The following FRMD8 variants were observed in gnomAD, a reference collection of about 807,000 sequenced individuals.
FRMD8 encodes the protein FERM domain-containing protein 8.
FRMD8 carries 37 observed loss-of-function variants against 54.2 expected under a neutral mutation model. That is an observed-to-expected ratio of 0.68 (90% CI 0.53 to 0.90). FRMD8 has a LOEUF of 0.90. Ranked by LOEUF, FRMD8 falls within the 40% of genes least tolerant of loss-of-function variation. The pLI, the probability that FRMD8 is intolerant of heterozygous loss-of-function variation, is 0.00. For synonymous variants in FRMD8, 246 were observed against 286.9 expected, an observed-to-expected ratio of 0.86 and a Z score of 1.44; for missense variants, 585 against 653.7, an observed-to-expected ratio of 0.89 and a Z score of 1.15.
the FRMD8 span, among the ~76,000 whole-genome samples, chr11:65,371,761 C>T: frequency 1.1e-4 from 17 of 151,910 alleles, 2 homozygotes; most frequent in African/African-American, 3.9e-4. Context: ...ACTACAGGTG[C>T]GTGCCACCAT....
At chr11:65,369,550 G>A in the FRMD8 span, among the ~76,000 whole-genome samples, 1 of 151,592 alleles carries the variant, frequency 6.6e-6, no homozygotes, top group African/African-American at 2.4e-5. Context: ...CCAACATGGT[G>A]AAACCCTGTC....
rs1312220683 is a variant in FRMD8 at position 65,412,722 on chromosome 11, CCCT to C, written c.*1368_*1370del. Reference sequence around the variant, plus strand: ...TACTCCAAGTATCAGAGCCTGTTCACCCTCCTCCCTTTGGTAGCTTGTGAATGT... The same window carrying C: ...TACTCCAAGTATCAGAGCCTGTTCACCCTCCCTTTGGTAGCTTGTGAATGT... On this transcript the variant is annotated 3_prime_UTR_variant, in exon 11 of 11. Transcript: ENST00000317568. 6.6e-6 allele frequency: 1 copy of C among 152,250 alleles called. No homozygotes were observed. Among genetic ancestry groups the C allele is most frequent in the East Asian group, 1.9e-4 (1 of 5,200 alleles). The allele number at this position is 152,250 out of a possible 1,614,324, so 9.4% of individuals were successfully genotyped here.
At chr11:65,408,759 G>A (rs1367529506) in intron 10 of FRMD8, among the ~76,000 whole-genome samples, 1 of 151,882 alleles carries the variant, frequency 6.6e-6, no homozygotes, top group Non-Finnish European at 1.5e-5. Flanking sequence ...AAGGTCATGA[G>A]CCACCACTCC....
upstream of FRMD8, chr11:65,381,948 G>A (rs767785715): frequency 3.7e-6 from 6 of 1,614,010 alleles, no homozygotes; most frequent in South Asian, 4.4e-5. Flanking sequence ...TCCTCCACCG[G>A]CATTGTCTGG....
the FRMD8 span, chr11:65,379,395 C>T: frequency 5.0e-6 from 8 of 1,610,880 alleles, no homozygotes; most frequent in East Asian, 6.7e-5. Context: ...CCCCCCGGTG[C>T]AGCCCGCTAG....
chr11:65,384,541 G>A (rs926677072), upstream of FRMD8, among the ~76,000 whole-genome samples: 23 of 152,210 alleles, frequency 1.5e-4, no homozygotes, highest in African/African-American at 5.3e-4. Flanking sequence ...TGGCTGGCAC[G>A]TAAATGGCAA....
At chr11:65,407,017 C>T (rs993512072) in intron 10 of FRMD8, among the ~76,000 whole-genome samples, 1 of 151,998 alleles carries the variant, frequency 6.6e-6, no homozygotes, top group African/African-American at 2.4e-5. Context: ...GAAGAGAGGA[C>T]ATTTGTGGAA....
At position 65,411,567 on chromosome 11, in the gene FRMD8, C is replaced by T. The variant is rs1338834528; in HGVS notation, c.*207C>T. Reference sequence around the variant, plus strand: ...GCTGGCCAGGGCCTCCTGTAGGGCTCCTCTGCAGCCTGCCCTCCCTTCCCC... The same window carrying T: ...GCTGGCCAGGGCCTCCTGTAGGGCTTCTCTGCAGCCTGCCCTCCCTTCCCC... On this transcript the variant is annotated 3_prime_UTR_variant, in exon 11 of 11. Transcript: ENST00000317568. The T allele has an allele frequency of 2.0e-5, 9 of 460,384 alleles. No individual in the cohort carries two copies. Among genetic ancestry groups the T allele is most frequent in the East Asian group, 1.4e-4 (4 of 28,618 alleles). 28.5% of individuals were successfully genotyped at this position (460,384 alleles called of 1,614,324 possible). A position where few individuals can be genotyped will look rare whatever the true frequency, so the allele number is the denominator to read the frequency against.
chr11:65,404,668 C>A lies in FRMD8; in HGVS notation c.1072-196C>A, dbSNP rs140972170. 3.1e-3 allele frequency among the ~76,000 whole-genome samples: 477 copies of A among 152,272 alleles called. 5 individuals are homozygous for A. Among genetic ancestry groups the A allele is most frequent in the African/African-American group, 0.011 (455 of 41,544 alleles). ...CCACCTGAACTCCCAGATCTGGAGA[C>A]CCCTCCTCATCCACCAGGACTCACC... On this transcript the variant is annotated intron_variant, in intron 9 of 10. Transcript: ENST00000317568. The surrounding 1 kb of genome is among the most constrained non-coding windows in gnomAD (Gnocchi z 4.7).
the FRMD8 span, chr11:65,377,047 G>A: frequency 2.2e-5 from 35 of 1,613,932 alleles, no homozygotes; most frequent in Non-Finnish European, 2.9e-5. Context: ...GCCGGACTTT[G>A]ATGAGGTCAA....
At chr11:65,401,300 TA>T in intron 9 of FRMD8, among the ~76,000 whole-genome samples, 1 of 122,182 alleles carries the variant, frequency 8.2e-6, no homozygotes, top group African/African-American at 3.5e-5. Flanking sequence ...GCACCTCTTC[TA>T]CCCCAGCCTC....
At chr11:65,393,720 C>T in intron 4 of FRMD8, 46 bp downstream of exon 4, 1 of 1,483,846 alleles carries the variant, frequency 6.7e-7, no homozygotes, top group South Asian at 1.2e-5. Flanking sequence ...CCACCTGAGT[C>T]TGCATCTCTG....
At chr11:65,391,011 CA>C (rs1347345890) in intron 3 of FRMD8, among the ~76,000 whole-genome samples, 1 of 152,262 alleles carries the variant, frequency 6.6e-6, no homozygotes, top group Non-Finnish European at 1.5e-5. Context: ...TGGGCCCCCC[CA>C]GAACCCTTTT....
chr11:65,399,967 T>C, intron 8 of FRMD8, 108 bp downstream of exon 8: 1 of 1,336,260 alleles, frequency 7.5e-7, no homozygotes, highest in Non-Finnish European at 1.0e-6. Context: ...GTGGATGGAC[T>C]GTCTGGGAGG....
chr11:65,376,787 GT>G, the FRMD8 span: 1 of 1,614,152 alleles, frequency 6.2e-7, no homozygotes, highest in South Asian at 1.1e-5. Flanking sequence ...CCACACCTCT[GT>G]CCCCCATCCT....
rs12417665 is a variant in FRMD8 at position 65,396,886 on chromosome 11, C to T, written c.669C>T (p.Ala223=). 240,719 of 1,555,852 alleles carry T rather than the reference C, an allele frequency of 0.15. 20,311 individuals carry two copies. The highest frequency in any genetic ancestry group is 0.33 in the Admixed American group (17,311 of 52,778). ...FAALRGRGAR[A]GPGEQGLLNA... ...CCCTCCGGGGCCGTGGGGCCAGGGC[C>T]GGGCCGGGCGAGCAGGGCCTGCTGA... The change falls in exon 7 of 11, where the codon GCC becomes GCT. Residue 223 remains alanine, a synonymous_variant. Transcript: ENST00000317568.
At chr11:65,399,610 C>T in intron 7 of FRMD8, 126 bp from the exon 8 acceptor site, 1 of 1,164,758 alleles carries the variant, frequency 8.6e-7, no homozygotes, top group Non-Finnish European at 1.2e-6. Flanking sequence ...TCTGTTTCTC[C>T]CTTCCCTGGG....
rs1305637146 is a variant in FRMD8 at position 65,412,858 on chromosome 11, G to A, written c.*1498G>A. 1 of 152,268 alleles carries A rather than the reference G, an allele frequency of 6.6e-6. No individual in the cohort carries two copies. Among genetic ancestry groups the A allele is most frequent in the Non-Finnish European group, 1.5e-5 (1 of 68,074 alleles). The allele number at this position is 152,268 out of a possible 1,614,324, so 9.4% of individuals were successfully genotyped here. A position where few individuals can be genotyped will look rare whatever the true frequency, so the allele number is the denominator to read the frequency against. On this transcript the variant is annotated 3_prime_UTR_variant, in exon 11 of 11. Coordinates refer to ENST00000317568, the MANE Select transcript of FRMD8 (RefSeq NM_031904.5). ...GCCCCCAGTCTTTTGGAATGTCCTGGTCACAGGGTCATGTCAGCTGCCAGT... is the reference window on the plus strand; with the variant it reads ...GCCCCCAGTCTTTTGGAATGTCCTGATCACAGGGTCATGTCAGCTGCCAGT...
At chr11:65,402,687 A>G (rs1856108403) in intron 9 of FRMD8, among the ~76,000 whole-genome samples, 1 of 152,200 alleles carries the variant, frequency 6.6e-6, no homozygotes, top group South Asian at 2.1e-4. Context: ...TTCGGAGGTC[A>G]TTGACCTCTT....
Sources: allele counts gnomAD v4.1 joint callset (sites outside exome capture counted in the v4.1 genomes callset), GRCh38; gene constraint gnomAD v4.1.1; non-coding constraint Gnocchi (gnomAD v3.1); transcripts MANE v1.5; gene names NCBI Gene and HGNC (gene_info 2026-07-23, HGNC 2026-07-21).